SYNDIG1: variants seen among roughly 807,000 people sequenced by gnomAD.
The protein encoded by SYNDIG1 is synapse differentiation-inducing gene protein 1.
Under a neutral mutation model 19.4 loss-of-function variants are expected in SYNDIG1, and 9 were observed. That is an observed-to-expected ratio of 0.46 (90% CI 0.28 to 0.81). The LOEUF (loss-of-function observed/expected upper bound fraction) is 0.81. SYNDIG1 is among the 30% of genes least tolerant of loss of function. The pLI is 0.12. For synonymous variants in SYNDIG1, 141 were observed against 145.9 expected (o/e 0.97, Z 0.24); for missense variants, 311 against 343.3 (o/e 0.91, Z 0.74).
chr20:24,516,397 C>T (rs909736854), intron 1 of SYNDIG1, among the ~76,000 whole-genome samples: 3 of 152,156 alleles, frequency 2.0e-5, no homozygotes, highest in African/African-American at 7.2e-5. Flanking sequence ...GAACAGGCAA[C>T]CTACAGAATG....
At chr20:24,506,578 C>T (rs1435002030) in intron 1 of SYNDIG1, among the ~76,000 whole-genome samples, 2 of 152,198 alleles carry the variant, frequency 1.3e-5, no homozygotes, top group African/African-American at 4.8e-5. Flanking sequence ...TTAAGGTCCA[C>T]CAGAAAAGGT....
chr20:24,590,452 T>A (rs2058490940), intron 3 of SYNDIG1, among the ~76,000 whole-genome samples: 1 of 151,862 alleles, frequency 6.6e-6, no homozygotes, highest in South Asian at 2.1e-4. Context: ...TGTGGCCACA[T>A]GCTCCCGGGA....
At chr20:24,571,725 A>G (rs75541684) in intron 2 of SYNDIG1, among the ~76,000 whole-genome samples, 1 of 152,362 alleles carries the variant, frequency 6.6e-6, no homozygotes, top group Non-Finnish European at 1.5e-5. Flanking sequence ...CCAATTACCT[A>G]GAACACCCCA....
At chr20:24,494,666 G>A (rs918610704) in intron 1 of SYNDIG1, among the ~76,000 whole-genome samples, 1 of 152,192 alleles carries the variant, frequency 6.6e-6, no homozygotes, top group Non-Finnish European at 1.5e-5. Context: ...GGAGGCAGCA[G>A]GGACCGGGGC....
At chr20:24,539,445 CT>C (rs1281238751) in intron 1 of SYNDIG1, among the ~76,000 whole-genome samples, 3 of 152,138 alleles carry the variant, frequency 2.0e-5, no homozygotes, top group Non-Finnish European at 2.9e-5. Context: ...ATTTTATTCA[CT>C]TGGTCTATAT....
rs1600696894 is a variant in SYNDIG1 at position 24,589,725 on chromosome 20, T to TAGTTAGTAAAGGAA, written c.618+4733_618+4734insGTTAGTAAAGGAAA. 4.4e-4 allele frequency among the ~76,000 whole-genome samples: 67 copies of TAGTTAGTAAAGGAA among 152,354 alleles called. 3 individuals are homozygous for TAGTTAGTAAAGGAA. In the South Asian group the frequency reaches 0.014, roughly 32 times the overall value. On this transcript the variant is annotated intron_variant, in intron 3 of 3. Transcript: ENST00000376862. ...CATTTCATAAAATGTTTCTTTCCTTTACTAACTGCAACATTATAACAATAA... is the reference window on the plus strand; with the variant it reads ...CATTTCATAAAATGTTTCTTTCCTTTAGTTAGTAAAGGAAACTAACTGCAACATTATAACAATAA...
Position 24,579,305 on chromosome 20 carries a change from G to A in SYNDIG1, c.481-5551G>A, listed in dbSNP as rs569023631. Among the ~76,000 whole-genome samples the A allele has an allele frequency of 2.6e-5, 4 of 152,270 alleles. No individual in the cohort carries two copies. In the East Asian group the frequency reaches 5.8e-4, roughly 22 times the overall value. ...GGTGTCTGTTAAAATGACTGTTTTC[G>A]AGCTGCTGAAGTCTTGCTCTTTTTA... On this transcript the variant is annotated intron_variant, in intron 2 of 3. Coordinates refer to ENST00000376862, the MANE Select transcript of SYNDIG1 (RefSeq NM_024893.3).
At chr20:24,509,167 T>C (rs1189996940) in intron 1 of SYNDIG1, among the ~76,000 whole-genome samples, 1 of 152,220 alleles carries the variant, frequency 6.6e-6, no homozygotes, top group Non-Finnish European at 1.5e-5. Flanking sequence ...ATGTTTTATT[T>C]AGCCCCTTGA....
chr20:24,568,056 G>A (rs1452614449), intron 2 of SYNDIG1, among the ~76,000 whole-genome samples: 2 of 152,146 alleles, frequency 1.3e-5, no homozygotes, highest in African/African-American at 4.8e-5. Flanking sequence ...CAGGAGAATC[G>A]CTTGAATCCG....
chr20:24,665,132 G>T (rs952173955), intron 3 of SYNDIG1, among the ~76,000 whole-genome samples: 1 of 152,046 alleles, frequency 6.6e-6, no homozygotes, highest in Non-Finnish European at 1.5e-5. Context: ...TCTTCCCTGC[G>T]GTGTGGGGGA....
At chr20:24,574,451 T>G (rs972023653) in intron 2 of SYNDIG1, among the ~76,000 whole-genome samples, 1 of 152,168 alleles carries the variant, frequency 6.6e-6, no homozygotes, top group African/African-American at 2.4e-5. Flanking sequence ...ATTGTGCCAC[T>G]GCATTCCAGC....
At chr20:24,661,334 G>GA (rs2059584212) in intron 3 of SYNDIG1, among the ~76,000 whole-genome samples, 1 of 132,948 alleles carries the variant, frequency 7.5e-6, no homozygotes, top group Non-Finnish European at 1.7e-5. Flanking sequence ...GGAAGAGAGG[G>GA]GGAGGAAGGA....
chr20:24,582,854 C>CTCCT (rs1176055597), intron 2 of SYNDIG1, among the ~76,000 whole-genome samples: 5 of 152,222 alleles, frequency 3.3e-5, no homozygotes, highest in Non-Finnish European at 7.3e-5. Flanking sequence ...GAGGCAGCGA[C>CTCCT]TCCTTGACCT....
chr20:24,488,379 T>A (rs1419300413), intron 1 of SYNDIG1, among the ~76,000 whole-genome samples: 1 of 152,254 alleles, frequency 6.6e-6, no homozygotes, highest in Non-Finnish European at 1.5e-5. Context: ...GCCCAGTGCC[T>A]TGTGGGGTGC....
chr20:24,599,528 C>T (rs1277182997), intron 3 of SYNDIG1, among the ~76,000 whole-genome samples: 3 of 152,202 alleles, frequency 2.0e-5, no homozygotes, highest in South Asian at 2.1e-4. Context: ...TAAATACCTA[C>T]ACCCTCATAG....
chr20:24,483,480 C>T (rs77266641), intron 1 of SYNDIG1, among the ~76,000 whole-genome samples: 4 of 152,302 alleles, frequency 2.6e-5, no homozygotes, highest in East Asian at 1.9e-4. Flanking sequence ...TATGTTCCCA[C>T]GTCCTATGCC....
At chr20:24,621,176 A>C (rs1485298737) in intron 3 of SYNDIG1, among the ~76,000 whole-genome samples, 1 of 152,260 alleles carries the variant, frequency 6.6e-6, no homozygotes, top group African/African-American at 2.4e-5. Context: ...GTATGTGTAC[A>C]AGAAAGGAAT....
At chr20:24,555,989 C>T (rs1249353249) in intron 2 of SYNDIG1, among the ~76,000 whole-genome samples, 3 of 152,146 alleles carry the variant, frequency 2.0e-5, no homozygotes, top group Non-Finnish European at 2.9e-5. Context: ...CTGGGTGCTC[C>T]TCTATTGGGT....
intron 3 of SYNDIG1, among the ~76,000 whole-genome samples, chr20:24,661,517 G>A (rs1568723323): frequency 2.1e-5 from 3 of 144,892 alleles, no homozygotes; most frequent in Admixed American, 6.8e-5. Flanking sequence ...GGAGGAAGGA[G>A]GGAGGGAGGA....
Sources: allele counts gnomAD v4.1 joint callset (sites outside exome capture counted in the v4.1 genomes callset), GRCh38; gene constraint gnomAD v4.1.1; transcripts MANE v1.5; gene names NCBI Gene and HGNC (gene_info 2026-07-23, HGNC 2026-07-21).